NKAIN3: variants seen among roughly 807,000 people sequenced by gnomAD.
NKAIN3 encodes sodium/potassium-transporting ATPase subunit beta-1-interacting protein 3.
NKAIN3 carries 25 observed loss-of-function variants against 30.2 expected under a neutral mutation model. That is an observed-to-expected ratio of 0.83 (90% CI 0.60 to 1.16). The LOEUF (loss-of-function observed/expected upper bound fraction) is 1.16, where lower values mean the gene tolerates loss of function less well. NKAIN3 is among the 50% of genes most tolerant of loss of function. The pLI, the probability that NKAIN3 is intolerant of heterozygous loss-of-function variation, is 0.00. For synonymous variants in NKAIN3, 91 were observed against 89.6 expected, an observed-to-expected ratio of 1.02 and a Z score of -0.09; for missense variants, 225 against 254.1, an observed-to-expected ratio of 0.89 and a Z score of 0.78.
intron 1 of NKAIN3, among the ~76,000 whole-genome samples, chr8:62,386,000 A>G (rs548258645): frequency 2.6e-5 from 4 of 152,312 alleles, no homozygotes; most frequent in Non-Finnish European, 4.4e-5. Context: ...TGCCTCTCCA[A>G]CAGCAGCATG....
intron 3 of NKAIN3, among the ~76,000 whole-genome samples, chr8:62,648,838 A>G (rs1379113176): frequency 1.3e-5 from 2 of 152,176 alleles, no homozygotes; most frequent in African/African-American, 4.8e-5. Flanking sequence ...GCCCTCCCCA[A>G]GATGAACCTG....
intron 4 of NKAIN3, among the ~76,000 whole-genome samples, chr8:62,889,866 G>C (rs1586314539): frequency 2.0e-5 from 3 of 151,998 alleles, no homozygotes; most frequent in Non-Finnish European, 4.4e-5. Context: ...GTTTGGGTTT[G>C]AAAAGAAAGA....
chr8:62,720,666 C>T (rs964848753), intron 3 of NKAIN3, among the ~76,000 whole-genome samples: 15 of 152,148 alleles, frequency 9.9e-5, no homozygotes, highest in African/African-American at 3.6e-4. Flanking sequence ...ATAGCATATT[C>T]TCCAAAGGCA....
intron 5 of NKAIN3, among the ~76,000 whole-genome samples, chr8:62,936,528 A>G (rs895690763): frequency 5.9e-5 from 9 of 152,272 alleles, no homozygotes; most frequent in Non-Finnish European, 7.3e-5. Context: ...TCCAGGACAC[A>G]TAACTCCAGC....
intron 1 of NKAIN3, among the ~76,000 whole-genome samples, chr8:62,450,194 A>C (rs1805600159): frequency 6.6e-6 from 1 of 152,162 alleles, no homozygotes; most frequent in South Asian, 2.1e-4. Context: ...CCTAATCTCC[A>C]ACATTTAAAG....
At chr8:62,920,618 T>C (rs371694725) in intron 5 of NKAIN3, among the ~76,000 whole-genome samples, 6 of 152,350 alleles carry the variant, frequency 3.9e-5, no homozygotes, top group African/African-American at 1.4e-4. Context: ...AGTTTCTCTA[T>C]AGAAATCTCT....
intron 1 of NKAIN3, among the ~76,000 whole-genome samples, chr8:62,400,163 C>CTTTTTTTTTTTTT (rs71255333): frequency 8.2e-6 from 1 of 122,230 alleles, no homozygotes. Flanking sequence ...GCTATATTTT[C>CTTTTTTTTTTTTT]TTTTTTTTTT....
chr8:62,681,316 G>T (rs1408055671), intron 3 of NKAIN3, among the ~76,000 whole-genome samples: 3 of 152,182 alleles, frequency 2.0e-5, no homozygotes, highest in African/African-American at 7.2e-5. Flanking sequence ...TATAGTAAAT[G>T]AACTTTCACA....
chr8:62,547,365 A>G (rs1461244915), intron 1 of NKAIN3, among the ~76,000 whole-genome samples: 3 of 152,192 alleles, frequency 2.0e-5, no homozygotes, highest in Non-Finnish European at 4.4e-5. Context: ...GTTTGCCGAA[A>G]GCAAAGATAA....
In NKAIN3 at chr8:62,838,129, C is replaced by G. The variant is rs888684295; in HGVS notation, c.472-80324C>G. ...GTATCTCACTCTGAACAATACCGCTCTGTGTGTGTGTGTGTGTGTGTGTAT... is the reference window on the plus strand; with the variant it reads ...GTATCTCACTCTGAACAATACCGCTGTGTGTGTGTGTGTGTGTGTGTGTAT... On this transcript the variant is annotated intron_variant, in intron 4 of 6. Transcript: ENST00000623646. Among the ~76,000 whole-genome samples the G allele has an allele frequency of 1.2e-4, 18 of 147,728 alleles. No individual in the cohort carries two copies. The South Asian group carries it at 4.0e-3, about 33-fold the overall frequency.
intron 4 of NKAIN3, among the ~76,000 whole-genome samples, chr8:62,800,180 T>C (rs772117703): frequency 3.9e-5 from 6 of 152,162 alleles, no homozygotes; most frequent in Non-Finnish European, 7.4e-5. Context: ...ACACTACCCG[T>C]TCCCCAAAAA....
chr8:62,961,136 C>A (rs1456218613), intron 6 of NKAIN3, among the ~76,000 whole-genome samples: 1 of 152,038 alleles, frequency 6.6e-6, no homozygotes, highest in East Asian at 1.9e-4. Context: ...AAAAAATTAG[C>A]CAGGAGTTGT....
chr8:62,787,843 T>C (rs192367110), intron 4 of NKAIN3, among the ~76,000 whole-genome samples: 1 of 151,652 alleles, frequency 6.6e-6, no homozygotes, highest in Admixed American at 6.6e-5. Context: ...TCCATGTCCC[T>C]ACAAAGGATG....
chr8:62,622,589 C>T (rs1362668393), intron 3 of NKAIN3, among the ~76,000 whole-genome samples: 2 of 151,686 alleles, frequency 1.3e-5, no homozygotes, highest in African/African-American at 4.8e-5. Context: ...AATGCTTCTT[C>T]TTGTCTTTTG....
At chr8:62,527,518 T>C (rs1304384312) in intron 1 of NKAIN3, among the ~76,000 whole-genome samples, 1 of 152,106 alleles carries the variant, frequency 6.6e-6, no homozygotes, top group Non-Finnish European at 1.5e-5. Flanking sequence ...TTTGTGACTG[T>C]TTCAAAAGTT....
rs150526869 is a variant in NKAIN3 at position 62,412,938 on chromosome 8, G to A, written c.54+163811G>A. 2.4e-3 allele frequency among the ~76,000 whole-genome samples: 326 copies of A among 137,002 alleles called. 1 individual carries two copies. The East Asian group carries it at 0.028, about 12-fold the overall frequency. The allele number at this position is 137,002 out of a possible 152,430, so 89.9% of individuals were successfully genotyped here. A position where few individuals can be genotyped will look rare whatever the true frequency, so the allele number is the denominator to read the frequency against. On this transcript the variant is annotated intron_variant, in intron 1 of 6. Transcript: ENST00000623646. ...AAAAAAAAACAAAAAAAAAAAAACA[G>A]CAAAACATAACAACAACAAAATAAC... is the stretch of plus-strand genomic sequence containing the variant.
chr8:62,782,216 T>C (rs1817374550), intron 4 of NKAIN3, among the ~76,000 whole-genome samples: 1 of 151,784 alleles, frequency 6.6e-6, no homozygotes, highest in African/African-American at 2.4e-5. Flanking sequence ...AAAACTACAA[T>C]GATATATCAT....
At chr8:62,864,103 T>C (rs546194453) in intron 4 of NKAIN3, 42 of 634,960 alleles carry the variant, frequency 6.6e-5, no homozygotes, top group Non-Finnish European at 1.1e-4. Flanking sequence ...CAAGCGGGGC[T>C]ACAGGGGCTT....
At chr8:62,322,606 A>G (rs1217632880) in intron 1 of NKAIN3, among the ~76,000 whole-genome samples, 1 of 152,236 alleles carries the variant, frequency 6.6e-6, no homozygotes, top group Non-Finnish European at 1.5e-5. Context: ...CTCAACCTGT[A>G]TTGGAAAACC....
Sources: allele counts gnomAD v4.1 joint callset (sites outside exome capture counted in the v4.1 genomes callset), GRCh38; gene constraint gnomAD v4.1.1; transcripts MANE v1.5; gene names NCBI Gene and HGNC (gene_info 2026-07-23, HGNC 2026-07-21).